PTPRD: variants seen among roughly 807,000 people sequenced by gnomAD.
The protein encoded by PTPRD is receptor-type tyrosine-protein phosphatase delta.
PTPRD carries 34 observed loss-of-function variants against 214.5 expected under a neutral mutation model. That is an observed-to-expected ratio of 0.16 (90% CI 0.12 to 0.21). The LOEUF (loss-of-function observed/expected upper bound fraction) is 0.21, where lower values mean the gene tolerates loss of function less well. PTPRD is among the 10% of genes least tolerant of loss of function. The pLI is 1.00. For synonymous variants in PTPRD, 1,128 were observed against 845.7 expected, an observed-to-expected ratio of 1.33 and a Z score of -5.79; for missense variants, 2,545 against 2,398.7, an observed-to-expected ratio of 1.06 and a Z score of -1.27.
chr9:9,015,502 A>T (rs2099531027), intron 11 of PTPRD, among the ~76,000 whole-genome samples: 1 of 152,178 alleles, frequency 6.6e-6, no homozygotes, highest in Non-Finnish European at 1.5e-5. Context: ...CTTGTTTAGC[A>T]TATCATCAAG....
At chr9:9,791,737 A>C (rs1312770182) in intron 5 of PTPRD, among the ~76,000 whole-genome samples, 1 of 152,064 alleles carries the variant, frequency 6.6e-6, no homozygotes, top group Non-Finnish European at 1.5e-5. Flanking sequence ...TATGTTTCCT[A>C]TATTGAGACT....
rs189625088 is a variant in PTPRD, at chr9:9,136,752, C to T, written c.-143+46552G>A. On this transcript the variant is annotated intron_variant, in intron 10 of 45. Transcript: ENST00000381196. ...AAATTTCTTGAAAAAAGGATCAAAA[C>T]ATCAATCATTATGTTCTTTGTCTAT... Among the ~76,000 whole-genome samples the T allele has an allele frequency of 5.6e-3, 852 of 152,210 alleles. 9 individuals carry two copies. Among genetic ancestry groups the T allele is most frequent in the African/African-American group, 0.02 (812 of 41,548 alleles).
At position 10,144,214 on chromosome 9, in the gene PTPRD, C is replaced by A. The variant is rs2099007246; in HGVS notation, c.-544-110424G>T. ...AAGAAACTCTTTGCAATGTTTAACA[C>A]AATTAGATCAGTGCAGTCATTATAA... On this transcript the variant is annotated intron_variant, in intron 3 of 45. Coordinates refer to ENST00000381196, the MANE Select transcript of PTPRD (RefSeq NM_002839.4). Among the ~76,000 whole-genome samples, 3 of 152,218 alleles carry A rather than the reference C, an allele frequency of 2.0e-5. No homozygotes were observed. The South Asian group carries it at 6.2e-4, about 32-fold the overall frequency.
chr9:9,872,261 T>C lies in PTPRD; in HGVS notation c.-368+66246A>G, dbSNP rs138534593. On this transcript the variant is annotated intron_variant, in intron 5 of 45. Coordinates refer to ENST00000381196, the MANE Select transcript of PTPRD (RefSeq NM_002839.4). ...CAAATTGAATTCCAGCCAGAATATA[T>C]AGGATCCATGTCACCCTGGGCAAGT... 3.9e-3 allele frequency among the ~76,000 whole-genome samples: 595 copies of C among 152,240 alleles called. 3 individuals carry two copies. Among genetic ancestry groups the C allele is most frequent in the African/African-American group, 0.013 (545 of 41,544 alleles).
At chr9:9,863,341 T>A (rs2063206882) in intron 5 of PTPRD, among the ~76,000 whole-genome samples, 1 of 152,138 alleles carries the variant, frequency 6.6e-6, no homozygotes, top group Non-Finnish European at 1.5e-5. Flanking sequence ...CAAGAATGAA[T>A]CTAAGTTTTC....
chr9:8,560,160 T>C (rs972478803), intron 14 of PTPRD, among the ~76,000 whole-genome samples: 3 of 152,218 alleles, frequency 2.0e-5, no homozygotes, highest in African/African-American at 7.2e-5. Context: ...GTAATCATTC[T>C]GCTTTTTGTG....
chr9:9,085,801 T>C (rs772442442), intron 10 of PTPRD, among the ~76,000 whole-genome samples: 7 of 152,126 alleles, frequency 4.6e-5, no homozygotes, highest in Non-Finnish European at 7.3e-5. Context: ...ATATATTGTG[T>C]ACTACCAGAC....
At chr9:9,357,472 G>T (rs539366178) in intron 9 of PTPRD, among the ~76,000 whole-genome samples, 4 of 151,318 alleles carry the variant, frequency 2.6e-5, no homozygotes, top group African/African-American at 9.7e-5. Context: ...AAAGCTTGGT[G>T]AGAACTTTGA....
intron 12 of PTPRD, among the ~76,000 whole-genome samples, chr9:8,690,037 G>A (rs568388328): frequency 8.6e-4 from 130 of 151,480 alleles, no homozygotes; most frequent in African/African-American, 3.0e-3. Flanking sequence ...AAGCCCAGGA[G>A]GGGGAGGTTG....
intron 10 of PTPRD, among the ~76,000 whole-genome samples, chr9:9,029,366 G>C (rs888590354): frequency 6.6e-6 from 1 of 151,772 alleles, no homozygotes; most frequent in East Asian, 1.9e-4. Flanking sequence ...AGGGGCTAGA[G>C]ATTAGAAATT....
chr9:9,707,112 G>A (rs563057716), intron 7 of PTPRD, among the ~76,000 whole-genome samples: 4 of 152,206 alleles, frequency 2.6e-5, no homozygotes, highest in South Asian at 4.2e-4. Flanking sequence ...GCATATGTAC[G>A]TCTGACTGAC....
chr9:10,252,859 C>G (rs1326702818), intron 3 of PTPRD, among the ~76,000 whole-genome samples: 4 of 152,140 alleles, frequency 2.6e-5, no homozygotes, highest in African/African-American at 4.8e-5. Context: ...TCTCGACTCA[C>G]TGCAACCTCC....
chr9:9,015,015 T>A (rs1343559751), intron 11 of PTPRD, among the ~76,000 whole-genome samples: 4 of 152,128 alleles, frequency 2.6e-5, no homozygotes, highest in Non-Finnish European at 5.9e-5. Context: ...GAGTAAGAAT[T>A]ACTTATGGAT....
chr9:10,484,734 A>G (rs949237769), intron 2 of PTPRD, among the ~76,000 whole-genome samples: 11 of 151,962 alleles, frequency 7.2e-5, no homozygotes, highest in Non-Finnish European at 1.2e-4. Flanking sequence ...TTTCCTATAT[A>G]GTTGTTTGAG....
intron 21 of PTPRD, among the ~76,000 whole-genome samples, chr9:8,516,793 A>T (rs1181873912): frequency 6.7e-6 from 1 of 149,656 alleles, no homozygotes; most frequent in Non-Finnish European, 1.5e-5. Context: ...ATGCTCAAGA[A>T]TAAACTTTTT....
intron 6 of PTPRD, among the ~76,000 whole-genome samples, chr9:9,746,776 TA>T (rs1157035072): frequency 6.6e-6 from 1 of 151,632 alleles, no homozygotes; most frequent in Admixed American, 6.6e-5. Flanking sequence ...CACAGTTTTT[TA>T]CTTCAGGGTG....
At chr9:9,557,968 T>A (rs978219614) in intron 8 of PTPRD, among the ~76,000 whole-genome samples, 15 of 152,218 alleles carry the variant, frequency 9.9e-5, no homozygotes, top group Non-Finnish European at 1.5e-4. Context: ...CACCCTATCT[T>A]GGCTGCTTGA....
chr9:8,897,296 A>C (rs574885763), intron 11 of PTPRD, among the ~76,000 whole-genome samples: 11 of 147,620 alleles, frequency 7.5e-5, no homozygotes, highest in Non-Finnish European at 1.5e-4. Flanking sequence ...GACAATAAGC[A>C]TAAGAGAAGT....
chr9:9,189,429 T>C (rs1184869732), intron 9 of PTPRD, among the ~76,000 whole-genome samples: 2 of 152,084 alleles, frequency 1.3e-5, no homozygotes, highest in African/African-American at 2.4e-5. Context: ...TAAATAAACA[T>C]TGAAATTTTA....
Sources: allele counts gnomAD v4.1 joint callset (sites outside exome capture counted in the v4.1 genomes callset), GRCh38; gene constraint gnomAD v4.1.1; transcripts MANE v1.5; gene names NCBI Gene and HGNC (gene_info 2026-07-23, HGNC 2026-07-21).